The following IMMP2L variants were observed in gnomAD, a reference collection of about 807,000 sequenced individuals.
The protein encoded by IMMP2L is inner mitochondrial membrane peptidase subunit 2.
IMMP2L carries 18 observed loss-of-function variants against 19.3 expected under a neutral mutation model. The observed-to-expected ratio is 0.93, with a 90% CI of 0.64 to 1.38. The LOEUF is 1.38. IMMP2L is among the 40% of genes most tolerant of loss of function. IMMP2L has a pLI of 0.00. For missense variants in IMMP2L, 233 were observed against 218.2 expected (o/e 1.07, Z -0.43); for synonymous variants, 76 against 73.0 (o/e 1.04, Z -0.21).
chr7:111,540,889 G>A lies in IMMP2L; in HGVS notation c.-2-19440C>T, dbSNP rs547379457. Among the ~76,000 whole-genome samples, 4 of 152,222 alleles carry A rather than the reference G, an allele frequency of 2.6e-5. No individual in the cohort carries two copies. The South Asian group carries it at 6.2e-4, about 24-fold the overall frequency. On this transcript the variant is annotated intron_variant, in intron 1 of 5. Transcript: ENST00000405709. ...TTTAAATGCCAGTCAGGAGAGTAAC[G>A]GAGAAAATAAGCGGCCAGATCAGGC...
chr7:111,129,515 TTC>T (rs1801650557), intron 3 of IMMP2L, among the ~76,000 whole-genome samples: 1 of 152,030 alleles, frequency 6.6e-6, no homozygotes, highest in African/African-American at 2.4e-5. Context: ...TACAATGATC[TTC>T]TCTTTCAGAT....
chr7:110,663,601 G>A lies in IMMP2L; in HGVS notation c.*1C>T, dbSNP rs1159351018. 6.2e-7 allele frequency: 1 copy of A among 1,613,408 alleles called. No individual in the cohort carries two copies. The highest frequency in any genetic ancestry group is 2.2e-5 in the East Asian group (1 of 44,836). ...CCAGCAACTCAGGTAGATTCATGCA[G>A]TCATTCCTCTTCTCTCTGTACTGGT... is the stretch of plus-strand genomic sequence containing the variant. On this transcript the variant is annotated 3_prime_UTR_variant, in exon 6 of 6. Coordinates refer to ENST00000405709, the MANE Select transcript of IMMP2L (RefSeq NM_032549.4).
chr7:111,556,018 G>GTATATATATATATATATATATATATA (rs1554550149), intron 1 of IMMP2L, among the ~76,000 whole-genome samples: 1,824 of 91,006 alleles, frequency 0.02, 290 homozygotes, highest in East Asian at 0.047. Flanking sequence ...CTGTGTGCAT[G>GTATATATATATATATATATATATATA]TATATATATA....
At position 110,963,540 on chromosome 7, in the gene IMMP2L, T is replaced by A; in HGVS notation, c.265A>T (p.Ile89Phe). 1 of 1,602,388 alleles carries A rather than the reference T, an allele frequency of 6.2e-7. No individual in the cohort carries two copies. The highest frequency in any genetic ancestry group is 2.2e-5 in the East Asian group (1 of 44,574). ...TCAAGAGCAATCACTCTCTTAATGA[T>A]CTTCTGTTCTGGGTTTTTAGGAGAC... The part of the protein sequence containing the change: ...LVSPKNPEQK[I>F]IKRVIALEGD... The change falls in exon 4 of 6, where the codon ATC (isoleucine) becomes TTC (phenylalanine). Residue 89 changes from isoleucine (I) to phenylalanine (F), a missense_variant. Coordinates refer to ENST00000405709, the MANE Select transcript of IMMP2L (RefSeq NM_032549.4).
At chr7:111,254,007 AT>A (rs1441055963) in intron 3 of IMMP2L, among the ~76,000 whole-genome samples, 3 of 152,186 alleles carry the variant, frequency 2.0e-5, no homozygotes, top group African/African-American at 7.2e-5. Flanking sequence ...ATTTATGGAA[AT>A]TATCTAACTC....
intron 3 of IMMP2L, chr7:111,122,718 G>A: frequency 7.2e-7 from 1 of 1,383,184 alleles, no homozygotes; most frequent in Non-Finnish European, 1.0e-6. Context: ...GAACTTACTA[G>A]CACTGACTGT....
intron 4 of IMMP2L, among the ~76,000 whole-genome samples, chr7:110,919,033 A>C (rs1813957648): frequency 1.3e-5 from 2 of 152,250 alleles, no homozygotes; most frequent in South Asian, 2.1e-4. Context: ...GGTCAAACTT[A>C]ATAACCTTCA....
At chr7:111,382,971 T>G (rs1011503991) in intron 3 of IMMP2L, among the ~76,000 whole-genome samples, 1 of 152,086 alleles carries the variant, frequency 6.6e-6, no homozygotes, top group Non-Finnish European at 1.5e-5. Context: ...CACAGATTCA[T>G]CCAGGTAGGG....
At chr7:111,152,504 G>A (rs1398130514) in intron 3 of IMMP2L, among the ~76,000 whole-genome samples, 1 of 152,058 alleles carries the variant, frequency 6.6e-6, no homozygotes, top group African/African-American at 2.4e-5. Flanking sequence ...AACAAATTTT[G>A]AGAAAGAAAA....
chr7:111,064,070 T>A (rs149076488), intron 3 of IMMP2L, among the ~76,000 whole-genome samples: 2 of 152,236 alleles, frequency 1.3e-5, no homozygotes, highest in African/African-American at 4.8e-5. Flanking sequence ...GATGAAGACA[T>A]ACCTGAGGCT....
At chr7:110,666,471 T>C (rs1791464925) in intron 5 of IMMP2L, among the ~76,000 whole-genome samples, 1 of 151,918 alleles carries the variant, frequency 6.6e-6, no homozygotes, top group Non-Finnish European at 1.5e-5. Context: ...AGATGGGGTT[T>C]CACCATGTTG....
At chr7:111,505,546 A>C (rs999069299) in intron 2 of IMMP2L, among the ~76,000 whole-genome samples, 1 of 152,194 alleles carries the variant, frequency 6.6e-6, no homozygotes, top group Non-Finnish European at 1.5e-5. Flanking sequence ...CACTATTCAC[A>C]ATAGCAAAGA....
chr7:111,439,725 A>G (rs951251834), intron 3 of IMMP2L, among the ~76,000 whole-genome samples: 1 of 151,886 alleles, frequency 6.6e-6, no homozygotes, highest in Non-Finnish European at 1.5e-5. Context: ...ATTTCTTAAA[A>G]CAAGACAATG....
At chr7:111,185,656 T>C (rs932912740) in intron 3 of IMMP2L, among the ~76,000 whole-genome samples, 11 of 152,168 alleles carry the variant, frequency 7.2e-5, no homozygotes, top group Non-Finnish European at 1.6e-4. Context: ...AAAACTAAAA[T>C]TTTTGTAACC....
At chr7:111,386,939 T>C (rs1831819501) in intron 3 of IMMP2L, among the ~76,000 whole-genome samples, 1 of 152,122 alleles carries the variant, frequency 6.6e-6, no homozygotes, top group Admixed American at 6.5e-5. Context: ...GCAAAAGAGA[T>C]TTAAACAAGA....
At chr7:110,832,484 C>G (rs1804063281) in intron 5 of IMMP2L, among the ~76,000 whole-genome samples, 1 of 152,058 alleles carries the variant, frequency 6.6e-6, no homozygotes, top group South Asian at 2.1e-4. Flanking sequence ...AGCCTGCCTT[C>G]CCTATTTTTC....
At chr7:111,024,712 C>T (rs1338128652) in intron 3 of IMMP2L, among the ~76,000 whole-genome samples, 1 of 152,164 alleles carries the variant, frequency 6.6e-6, no homozygotes, top group African/African-American at 2.4e-5. Context: ...TATCACACAT[C>T]TAGAAGCCCC....
intron 3 of IMMP2L, among the ~76,000 whole-genome samples, chr7:111,061,062 T>C (rs908980899): frequency 2.0e-5 from 3 of 152,216 alleles, no homozygotes; most frequent in African/African-American, 7.2e-5. Context: ...ATTTTCATGG[T>C]TGCATTCCTA....
intron 3 of IMMP2L, among the ~76,000 whole-genome samples, chr7:111,453,891 G>A (rs751732842): frequency 6.6e-6 from 1 of 152,144 alleles, no homozygotes; most frequent in Non-Finnish European, 1.5e-5. Flanking sequence ...GGATCAATGA[G>A]TATTTCCCTA....
Sources: gnomAD v4.1 joint callset for allele counts (sites outside exome capture counted in the v4.1 genomes callset) on GRCh38, gnomAD v4.1.1 for gene constraint, MANE v1.5 for transcripts, NCBI Gene and HGNC (gene_info 2026-07-23, HGNC 2026-07-21) for gene names.